The following GLI2 variants were observed in gnomAD, a reference collection of about 807,000 sequenced individuals.
GLI2 encodes transcription activator GLI2.
In GLI2, 22 loss-of-function variants were observed where a neutral mutation model predicts 78.9. The observed-to-expected ratio is 0.28, with a 90% CI of 0.20 to 0.40. The LOEUF (loss-of-function observed/expected upper bound fraction) is 0.40. Among genes scored for constraint, GLI2 ranks in the 10% least tolerant of loss-of-function variants. The probability of loss-of-function intolerance (pLI) is 1.00; values close to 1 mark genes in which losing one functional copy is unlikely to be tolerated. For missense variants in GLI2, 2,097 were observed against 2,213.2 expected (o/e 0.95, Z 1.05); for synonymous variants, 974 against 963.7 (o/e 1.01, Z -0.20).
intron 1 of GLI2, among the ~76,000 whole-genome samples, chr2:120,751,641 G>T (rs1682876967): frequency 6.6e-6 from 1 of 152,120 alleles, no homozygotes; most frequent in African/African-American, 2.4e-5. Context: ...CTGGACTCCA[G>T]GCCCACGTTG....
At chr2:120,972,643 A>T (rs781543544) in intron 8 of GLI2, 1 of 518,948 alleles carries the variant, frequency 1.9e-6, no homozygotes, top group Non-Finnish European at 3.8e-6. Flanking sequence ...GAAGTGCCTG[A>T]CTGGGTTCCA....
intron 2 of GLI2, among the ~76,000 whole-genome samples, chr2:120,900,959 C>G (rs1446765973): frequency 6.6e-6 from 1 of 152,128 alleles, no homozygotes; most frequent in East Asian, 1.9e-4. Flanking sequence ...AGAACAGAGC[C>G]CTCTTGGCTG....
rs1053909489 is a variant in GLI2 at position 120,988,626 on chromosome 2, G to A, written c.2661G>A (p.Pro887=). ...CCACTGGCGGCCCCCCGCCCACTCC[G>A]CTGCCGGGCCTGGAGCGCATGAGCC... ...AAATGGPPPT[P]LPGLERMSLR... The change falls in exon 14 of 14, where the codon CCG becomes CCA. Residue 887 remains proline, a synonymous_variant. Coordinates refer to ENST00000361492, the MANE Select transcript of GLI2 (RefSeq NM_001374353.1). The A allele has an allele frequency of 2.7e-6, 4 of 1,455,440 alleles. No homozygotes were observed. Among genetic ancestry groups the A allele is most frequent in the South Asian group, 1.3e-5 (1 of 76,984 alleles). 90.2% of individuals were successfully genotyped at this position (1,455,440 alleles called of 1,614,324 possible).
At chr2:120,845,324 A>G (rs1379853516) in intron 2 of GLI2, among the ~76,000 whole-genome samples, 2 of 152,222 alleles carry the variant, frequency 1.3e-5, no homozygotes, top group Non-Finnish European at 2.9e-5. Context: ...AAATGCAAAC[A>G]GCGCTAGGGC....
At chr2:120,961,139 C>T (rs1168860014) in intron 5 of GLI2, among the ~76,000 whole-genome samples, 4 of 152,186 alleles carry the variant, frequency 2.6e-5, no homozygotes, top group Non-Finnish European at 4.4e-5. Flanking sequence ...ATGTTTCCGA[C>T]TGAAATGTTG....
intron 2 of GLI2, among the ~76,000 whole-genome samples, chr2:120,845,407 C>T (rs1687068849): frequency 6.6e-6 from 1 of 152,250 alleles, no homozygotes; most frequent in African/African-American, 2.4e-5. Flanking sequence ...AACATCCCCA[C>T]TTGGCTTCAA....
chr2:120,959,155 GGT>G (rs1681420055), intron 5 of GLI2, among the ~76,000 whole-genome samples: 2 of 152,170 alleles, frequency 1.3e-5, no homozygotes, highest in Non-Finnish European at 2.9e-5. Flanking sequence ...GGAGTGCAGA[GGT>G]GAGCTCAGCA....
chr2:120,800,473 T>TTTATTATCATTATTA lies in GLI2; in HGVS notation c.148+3012_148+3013insCATTATTATTATTAT. 6.7e-6 allele frequency among the ~76,000 whole-genome samples: 1 copy of TTTATTATCATTATTA among 148,502 alleles called. No homozygotes were observed. Among genetic ancestry groups the TTTATTATCATTATTA allele is most frequent in the South Asian group, 2.1e-4 (1 of 4,666 alleles). On this transcript the variant is annotated intron_variant, in intron 2 of 13. Coordinates refer to ENST00000361492, the MANE Select transcript of GLI2 (RefSeq NM_001374353.1). The surrounding 1 kb of genome is among the most constrained non-coding windows in gnomAD (Gnocchi z 4.1). Reference sequence around the variant, plus strand: ...TTTGCTGTCTGGCGGAAAGGGATGATTTATTATTATTATTATTATTTTATT... The same window carrying TTTATTATCATTATTA: ...TTTGCTGTCTGGCGGAAAGGGATGATTTATTATCATTATTATTATTATTATTATTATTATTTTATT...
rs551096919 is a variant in GLI2, at chr2:120,739,707, T to TC, written c.-31+3428dup. On this transcript the variant is annotated intron_variant, in intron 1 of 13. Transcript: ENST00000361492. ...TTGAAAAGGAACCCGGGGGAGCACT[T>TC]CCCCCCTTTCTTCTTTTCACTAAGT... 3.2e-3 allele frequency among the ~76,000 whole-genome samples: 480 copies of TC among 152,208 alleles called. 2 individuals carry two copies. The highest frequency in any genetic ancestry group is 0.011 in the African/African-American group (444 of 41,522).
At chr2:120,982,558 A>G (rs571086488) in intron 10 of GLI2, among the ~76,000 whole-genome samples, 158 bp from the exon 11 acceptor site, 1 of 152,148 alleles carries the variant, frequency 6.6e-6, no homozygotes, top group African/African-American at 2.4e-5. Flanking sequence ...AGCCCTTTCC[A>G]TGTTTTCAGG....
In GLI2 at chr2:120,927,477, C is replaced by T; in HGVS notation, c.254+11C>T. On this transcript the variant is annotated intron_variant, in intron 3 of 13. Coordinates refer to ENST00000361492, the MANE Select transcript of GLI2 (RefSeq NM_001374353.1). Reference sequence around the variant, plus strand: ...CCACGGTGTGCACGGGTAAGTCCTGCCCTCTGCCTGCTGCTCCTGGCGTGC... The same window carrying T: ...CCACGGTGTGCACGGGTAAGTCCTGTCCTCTGCCTGCTGCTCCTGGCGTGC... 1 of 1,569,334 alleles carries T rather than the reference C, an allele frequency of 6.4e-7. No homozygotes were observed. Among genetic ancestry groups the T allele is most frequent in the East Asian group, 2.2e-5 (1 of 44,634 alleles).
At chr2:120,853,821 T>C (rs950547609) in intron 2 of GLI2, among the ~76,000 whole-genome samples, 3 of 152,120 alleles carry the variant, frequency 2.0e-5, no homozygotes, top group African/African-American at 7.2e-5. Context: ...GGGTGCTGTC[T>C]GAATGGCATG....
At chr2:120,850,574 G>A (rs191812792) in intron 2 of GLI2, among the ~76,000 whole-genome samples, 49 of 152,324 alleles carry the variant, frequency 3.2e-4, no homozygotes, top group African/African-American at 1.2e-3. Flanking sequence ...CAGCGTAAGG[G>A]AGTAAGTGAA....
intron 2 of GLI2, among the ~76,000 whole-genome samples, chr2:120,823,056 A>G (rs11122823): frequency 0.79 from 118,738 of 150,224 alleles, 46,828 homozygotes; most frequent in African/African-American, 0.89. Context: ...ACATCCCAAC[A>G]GGGAACCTGC....
chr2:120,990,322 C>A lies in GLI2; in HGVS notation c.4357C>A (p.Arg1453=). The A allele has an allele frequency of 6.2e-7, 1 of 1,613,796 alleles. No homozygotes were observed. Among genetic ancestry groups the A allele is most frequent in the South Asian group, 1.1e-5 (1 of 91,086 alleles). ...GAACCTCGGGAGCTGCCAGGTCATG[C>A]GGTCCCAGCCACCACAGCCACAGGC... The part of the protein sequence containing the change: ...LENLGSCQVM[R]SQPPQPQACQ... Residue 1453 remains arginine, a synonymous_variant, in exon 14 of 14, where the codon CGG becomes AGG. Coordinates refer to ENST00000361492, the MANE Select transcript of GLI2 (RefSeq NM_001374353.1).
intron 2 of GLI2, among the ~76,000 whole-genome samples, chr2:120,899,135 C>T (rs534348559): frequency 6.6e-6 from 1 of 152,190 alleles, no homozygotes; most frequent in Non-Finnish European, 1.5e-5. Flanking sequence ...GCCAGGAGAG[C>T]TCTTTCCTGG....
intron 2 of GLI2, among the ~76,000 whole-genome samples, chr2:120,836,447 A>G (rs1188401845): frequency 6.6e-6 from 1 of 152,200 alleles, no homozygotes; most frequent in Non-Finnish European, 1.5e-5. Flanking sequence ...CAATAAATGA[A>G]TATTCCACAG....
At chr2:120,967,319 G>A (rs1681906554) in intron 5 of GLI2, among the ~76,000 whole-genome samples, 2 of 152,252 alleles carry the variant, frequency 1.3e-5, no homozygotes, top group African/African-American at 4.8e-5. Flanking sequence ...TACACCTCAT[G>A]CCAGCCCTGG....
At chr2:120,969,557 A>T (rs1270434243) in intron 6 of GLI2, among the ~76,000 whole-genome samples, 1 of 152,254 alleles carries the variant, frequency 6.6e-6, no homozygotes, top group Non-Finnish European at 1.5e-5. Flanking sequence ...AATTGCTCCA[A>T]CGCATAGCAG....
Sources: gnomAD v4.1 joint callset for allele counts (sites outside exome capture counted in the v4.1 genomes callset) on GRCh38, gnomAD v4.1.1 for gene constraint, Gnocchi (gnomAD v3.1) non-coding constraint, MANE v1.5 for transcripts, NCBI Gene and HGNC (gene_info 2026-07-23, HGNC 2026-07-21) for gene names.